PTGDR2: variants seen among roughly 807,000 people sequenced by gnomAD.
The protein encoded by PTGDR2 is G-protein coupled receptor 44.
For missense variants in PTGDR2, 544 were observed against 576.6 expected (o/e 0.94, Z 0.58); for synonymous variants, 276 against 278.4 (o/e 0.99, Z 0.09).
rs868723708 is a variant in PTGDR2 at position 60,853,716 on chromosome 11, C to T, written c.7G>A (p.Ala3Thr). MS[A>T]NATLKPLCPI... is the part of the protein sequence containing the mutation. Reference sequence around the variant, plus strand: ...CAGAGTGGCTTCAGTGTGGCGTTGGCCGACATCGTGGGGCTCTGCAGTGGA... The same window carrying T: ...CAGAGTGGCTTCAGTGTGGCGTTGGTCGACATCGTGGGGCTCTGCAGTGGA... The change falls in exon 2 of 2, where the codon GCC becomes ACC. Residue 3 changes from alanine to threonine, a missense_variant. Ala to Thr is a moderately conservative substitution (Grantham distance 58, BLOSUM62 0). Coordinates refer to ENST00000332539, the MANE Select transcript of PTGDR2 (RefSeq NM_004778.3). The T allele has an allele frequency of 1.3e-6, 2 of 1,538,158 alleles. No individual in the cohort carries two copies. Among genetic ancestry groups the T allele is most frequent in the South Asian group, 1.2e-5 (1 of 83,894 alleles).
rs1164278891 is a variant in PTGDR2, at chr11:60,853,557, C to G, written c.166G>C (p.Val56Leu). The change falls in exon 2 of 2, where the codon GTG (valine) becomes CTG (leucine). Residue 56 changes from valine (V) to leucine (L), a missense_variant. Transcript: ENST00000332539. Reference protein sequence around the residue: ...GLVENGVILFVVGCRMRQTVV... With the variant: ...GLVENGVILFLVGCRMRQTVV... ...GTCTGGCGCATGCGGCAGCCCACCA[C>G]GAAGAGGATGACTCCATTCTCCACC... 2 of 1,556,252 alleles carry G rather than the reference C, an allele frequency of 1.3e-6. No individual in the cohort carries two copies. Among genetic ancestry groups the G allele is most frequent in the South Asian group, 2.4e-5 (2 of 84,362 alleles).
Position 60,852,793 on chromosome 11 carries a change from G to A in PTGDR2, c.930C>T (p.Asp310=), listed in dbSNP as rs1293465766. ...GCGAGCGCCGCAGCTTGCGCAGCAT[G>A]TCGGGGCAGGTGAGCACGTAGAGCA... ...NPVLYVLTCP[D]MLRKLRRSLR... is the part of the protein sequence containing the mutation. Residue 310 remains aspartate, a synonymous_variant, in exon 2 of 2, where the codon GAC becomes GAT. Transcript: ENST00000332539. 3.2e-6 allele frequency: 5 copies of A among 1,554,828 alleles called. No individual in the cohort carries two copies. The African/African-American group carries it at 6.9e-5, about 21-fold the overall frequency.
intron 1 of PTGDR2, among the ~76,000 whole-genome samples, chr11:60,854,539 G>A (rs1005539754): frequency 6.6e-6 from 1 of 152,208 alleles, no homozygotes; most frequent in African/African-American, 2.4e-5. Context: ...CAAATAAGAC[G>A]TGCATGCTTA....
intron 1 of PTGDR2, 88 bp from the exon 2 acceptor site, chr11:60,853,819 G>T (rs1855320212): frequency 9.4e-7 from 1 of 1,065,174 alleles, no homozygotes; most frequent in Admixed American, 2.8e-5. Flanking sequence ...ACCCTGCCCA[G>T]GAGATGCCAA....
chr11:60,852,998 C>A lies in PTGDR2; in HGVS notation c.725G>T (p.Gly242Val), dbSNP rs770935570. The A allele has an allele frequency of 1.0e-5, 15 of 1,438,032 alleles. No individual in the cohort carries two copies. The highest frequency in any genetic ancestry group is 1.5e-5 in the African/African-American group (1 of 67,078). 89.1% of individuals were successfully genotyped at this position (1,438,032 alleles called of 1,614,324 possible). Residue 242 changes from glycine to valine, a missense_variant, in exon 2 of 2, where the codon GGC becomes GTC. Gly to Val is a moderately radical substitution (Grantham distance 109). Transcript: ENST00000332539. ...GGCCGCCACCAGGCGCACGAAGCGGCCTGGCCGCCGGCGGCCGCGGTGCTG... is the reference window on the plus strand; with the variant it reads ...GGCCGCCACCAGGCGCACGAAGCGGACTGGCCGCCGGCGGCCGCGGTGCTG... ...RLQHRGRRRP[G>V]RFVRLVAAVV...
rs1565098282 is a variant in PTGDR2 at position 60,853,232 on chromosome 11, AC to A, written c.490del (p.Val164CysfsTer26). On this transcript the variant is annotated frameshift_variant, in exon 2 of 2. Transcript: ENST00000332539. LOFTEE classifies it low-confidence loss of function (END_TRUNC). ...VLWALAVLNTVPYFVFRDTIS... is the reference protein window; with the variant it reads ...VLWALAVLNTXPYFVFRDTIS... ...GGTGTCCCGGAACACGAAATAGGGC[AC>A]CGTGTTGAGCACCGCTAGTGCCCAA... is the stretch of plus-strand genomic sequence containing the variant. 1 of 1,613,246 alleles carries A rather than the reference AC, an allele frequency of 6.2e-7. No homozygotes were observed. The highest frequency in any genetic ancestry group is 8.5e-7 in the Non-Finnish European group (1 of 1,179,878).
At position 60,852,950 on chromosome 11, in the gene PTGDR2, C is replaced by A; in HGVS notation, c.773G>T (p.Cys258Phe). ...VAAVVAAFAL[C>F]WGPYHVFSLL... The stretch of plus-strand genomic sequence containing the variant: ...GCTGAACACGTGGTAGGGCCCCCAG[C>A]AGAGCGCGAAGGCGGCCACGACGGC... The change falls in exon 2 of 2, where the codon TGC (cysteine) becomes TTC (phenylalanine). Residue 258 changes from cysteine (C) to phenylalanine (F), a missense_variant. Transcript: ENST00000332539. 2.1e-6 allele frequency: 3 copies of A among 1,455,170 alleles called. No homozygotes were observed. The highest frequency in any genetic ancestry group is 3.0e-5 in the African/African-American group (2 of 67,166). 90.1% of individuals were successfully genotyped at this position (1,455,170 alleles called of 1,614,324 possible).
In PTGDR2 at chr11:60,853,733, T is replaced by C; in HGVS notation, c.-9-2A>G. On this transcript the variant is annotated splice_acceptor_variant, in intron 1 of 1. Coordinates refer to ENST00000332539, the MANE Select transcript of PTGDR2 (RefSeq NM_004778.3). LOFTEE classifies it low-confidence loss of function (5UTR_SPLICE). The stretch of plus-strand genomic sequence containing the variant: ...GGCGTTGGCCGACATCGTGGGGCTC[T>C]GCAGTGGAGGGAAGGAGGCGCCTAA... 2.6e-6 allele frequency: 4 copies of C among 1,524,876 alleles called. No individual in the cohort carries two copies. The highest frequency in any genetic ancestry group is 3.5e-6 in the Non-Finnish European group (4 of 1,135,124). The allele number at this position is 1,524,876 out of a possible 1,614,324, so 94.5% of individuals were successfully genotyped here. A position where few individuals can be genotyped will look rare whatever the true frequency, so the allele number is the denominator to read the frequency against.
intron 1 of PTGDR2, 67 bp downstream of exon 1, chr11:60,855,802 C>T (rs1436381296): frequency 6.6e-6 from 1 of 152,352 alleles, no homozygotes; most frequent in East Asian, 1.9e-4. Context: ...CCTGGTAAAA[C>T]TTTGCCTTCT....
chr11:60,854,255 G>C (rs150761470), intron 1 of PTGDR2, among the ~76,000 whole-genome samples: 18 of 152,316 alleles, frequency 1.2e-4, no homozygotes, highest in Non-Finnish European at 2.5e-4. Flanking sequence ...CCCAGATGTT[G>C]CCTCTCTACA....
Position 60,853,173 on chromosome 11 carries a change from A to G in PTGDR2, c.550T>C (p.Tyr184His). The G allele has an allele frequency of 6.2e-7, 1 of 1,610,040 alleles. No individual in the cohort carries two copies. The highest frequency in any genetic ancestry group is 8.5e-7 in the Non-Finnish European group (1 of 1,179,862). Reference sequence around the variant, plus strand: ...CCCGGGTTCAGGAGCAGCACATTGTAGTAGCACATAATGCGCCCGTCCAGC... The same window carrying G: ...CCCGGGTTCAGGAGCAGCACATTGTGGTAGCACATAATGCGCCCGTCCAGC... Reference protein sequence around the residue: ...SRLDGRIMCYYNVLLLNPGPD... With the variant: ...SRLDGRIMCYHNVLLLNPGPD... The change falls in exon 2 of 2, where the codon TAC becomes CAC. Residue 184 changes from tyrosine (Y) to histidine (H), a missense_variant. Transcript: ENST00000332539.
chr11:60,854,653 T>G (rs1332789642), intron 1 of PTGDR2, among the ~76,000 whole-genome samples: 2 of 152,228 alleles, frequency 1.3e-5, no homozygotes, highest in African/African-American at 4.8e-5. Flanking sequence ...AGGAGGCAAG[T>G]AGCAGGGGAC....
At chr11:60,855,490 GA>G (rs34051850) in intron 1 of PTGDR2, among the ~76,000 whole-genome samples, 34,453 of 125,366 alleles carry the variant, frequency 0.27, 4,809 homozygotes, top group East Asian at 0.73. Flanking sequence ...GGCAGGTTAA[GA>G]AAAAAAAAAA....
chr11:60,851,866 T>C lies in PTGDR2; in HGVS notation c.*669A>G, dbSNP rs1855272559. ...ATGCCTAGGGTTAGAGTGCAGACCCTGTGGTCGTTAGCCCTGAAACTGGGC... is the reference window on the plus strand; with the variant it reads ...ATGCCTAGGGTTAGAGTGCAGACCCCGTGGTCGTTAGCCCTGAAACTGGGC... On this transcript the variant is annotated 3_prime_UTR_variant, in exon 2 of 2. Transcript: ENST00000332539. 1 of 152,238 alleles carries C rather than the reference T, an allele frequency of 6.6e-6. No individual in the cohort carries two copies. Among genetic ancestry groups the C allele is most frequent in the Non-Finnish European group, 1.5e-5 (1 of 68,066 alleles). The allele number at this position is 152,238 out of a possible 1,614,324, so 9.4% of individuals were successfully genotyped here.
Position 60,853,680 on chromosome 11 carries a change from C to A in PTGDR2, c.43G>T (p.Glu15Ter). ...TGGCTCTGGAGACGGCTCATCTGCT[C>A]CAGGATGGGGCAGAGTGGCTTCAGT... ...ATLKPLCPIL[E>*]QMSRLQSHSN... The change falls in exon 2 of 2, where the codon GAG becomes TAG. Residue 15 changes from glutamate (E) to a stop codon, truncating the protein, a stop_gained. Transcript: ENST00000332539. LOFTEE classifies it low-confidence loss of function (END_TRUNC). 1.3e-6 allele frequency: 2 copies of A among 1,556,998 alleles called. No individual in the cohort carries two copies. Among genetic ancestry groups the A allele is most frequent in the Non-Finnish European group, 1.7e-6 (2 of 1,150,950 alleles).
Position 60,852,166 on chromosome 11 carries a change from A to C in PTGDR2, c.*369T>G. ...TGTGCCCTTCCGACTCCACTGCCCT[A>C]GAGTGGGAAGTCTATTATGAGTTTC... On this transcript the variant is annotated 3_prime_UTR_variant, in exon 2 of 2. Transcript: ENST00000332539. 1.4e-5 allele frequency: 3 copies of C among 219,210 alleles called. No individual in the cohort carries two copies. The highest frequency in any genetic ancestry group is 5.9e-5 in the Admixed American group (1 of 17,066). The allele number at this position is 219,210 out of a possible 1,614,324, so 13.6% of individuals were successfully genotyped here. A position where few individuals can be genotyped will look rare whatever the true frequency, so the allele number is the denominator to read the frequency against.
In PTGDR2 at chr11:60,853,585, G is replaced by C. The variant is rs756602799; in HGVS notation, c.138C>G (p.Gly46=). ...AGAGGATGACTCCATTCTCCACCAGGCCCAGCAGCGAGGCCAGCCCGTGCA... is the reference window on the plus strand; with the variant it reads ...AGAGGATGACTCCATTCTCCACCAGCCCCAGCAGCGAGGCCAGCCCGTGCA... ...VLLHGLASLL[G]LVENGVILFV... is the part of the protein sequence containing the mutation. Residue 46 remains glycine, a synonymous_variant, in exon 2 of 2, where the codon GGC becomes GGG. Transcript: ENST00000332539. 2 of 1,555,610 alleles carry C rather than the reference G, an allele frequency of 1.3e-6. No individual in the cohort carries two copies. Among genetic ancestry groups the C allele is most frequent in the Non-Finnish European group, 1.7e-6 (2 of 1,149,128 alleles).
Position 60,853,507 on chromosome 11 carries a change from G to A in PTGDR2, c.216C>T (p.His72=), listed in dbSNP as rs886432557. 1.3e-6 allele frequency: 2 copies of A among 1,560,264 alleles called. No individual in the cohort carries two copies. The highest frequency in any genetic ancestry group is 8.7e-7 in the Non-Finnish European group (1 of 1,151,702). The change falls in exon 2 of 2, where the codon CAC becomes CAT. Residue 72 remains histidine, a synonymous_variant. Transcript: ENST00000332539. ...AGGCCAACAGGTCGGACAGCGCCAGGTGCAGCACCCAGGTGGTGACCACGG... is the reference window on the plus strand; with the variant it reads ...AGGCCAACAGGTCGGACAGCGCCAGATGCAGCACCCAGGTGGTGACCACGG... The part of the protein sequence containing the change: ...RQTVVTTWVL[H]LALSDLLASA...
chr11:60,854,662 A>T (rs1465694465), intron 1 of PTGDR2, among the ~76,000 whole-genome samples: 1 of 152,236 alleles, frequency 6.6e-6, no homozygotes, highest in South Asian at 2.1e-4. Context: ...GTAGCAGGGG[A>T]CAGGGACTCA....
Sources: gnomAD v4.1 joint callset for allele counts (sites outside exome capture counted in the v4.1 genomes callset) on GRCh38, gnomAD v4.1.1 for gene constraint, MANE v1.5 for transcripts, NCBI Gene and HGNC (gene_info 2026-07-23, HGNC 2026-07-21) for gene names.